TOP1: variants seen among roughly 807,000 people sequenced by gnomAD.
TOP1 encodes the protein DNA topoisomerase 1.
TOP1 carries 10 observed loss-of-function variants against 111.1 expected under a neutral mutation model. The ratio of observed to expected loss-of-function variants is 0.09; its 90% CI spans 0.06 to 0.15. The LOEUF (loss-of-function observed/expected upper bound fraction) is 0.15, where lower values mean the gene tolerates loss of function less well. Ranked by LOEUF, TOP1 falls within the 10% of genes least tolerant of loss-of-function variation. The pLI, the probability that TOP1 is intolerant of heterozygous loss-of-function variation, is 1.00. For synonymous variants in TOP1, 271 were observed against 302.9 expected (o/e 0.89, Z 1.10); for missense variants, 474 against 926.7 (o/e 0.51, Z 6.34).
chr20:41,034,942 C>G lies in TOP1; in HGVS notation c.58+5487C>G, dbSNP rs75709949. Among the ~76,000 whole-genome samples, 1 of 151,990 alleles carries G rather than the reference C, an allele frequency of 6.6e-6. No homozygotes were observed. Among genetic ancestry groups the G allele is most frequent in the South Asian group, 2.1e-4 (1 of 4,834 alleles). The stretch of plus-strand genomic sequence containing the variant: ...TTTCTGTTTGTTGCCCGGGCTGGAG[C>G]GCAGTAGTGTGATTGCAGCTCACTG... On this transcript the variant is annotated intron_variant, in intron 2 of 20. Coordinates refer to ENST00000361337, the MANE Select transcript of TOP1 (RefSeq NM_003286.4). This position sits in a 1 kb window ranked among gnomAD's most constrained non-coding sequence, Gnocchi z 4.0.
rs956405084 is a variant in TOP1 at position 41,106,348 on chromosome 20, C to T, written c.1308+4995C>T. 2.1e-4 allele frequency among the ~76,000 whole-genome samples: 32 copies of T among 152,144 alleles called. No homozygotes were observed. The highest frequency in any genetic ancestry group is 7.2e-4 in the African/African-American group (30 of 41,444). On this transcript the variant is annotated intron_variant, in intron 13 of 20. Transcript: ENST00000361337. The surrounding 1 kb of genome is among the most constrained non-coding windows in gnomAD (Gnocchi z 4.3). ...AAAATTGCTTTGGCTATTCTTGGCC[C>T]TCTGCTGTTTCATATTAACTTTCAG...
chr20:41,066,253 T>TA (rs147532568), intron 3 of TOP1, among the ~76,000 whole-genome samples: 96 of 143,526 alleles, frequency 6.7e-4, no homozygotes, highest in Admixed American at 1.5e-3. Flanking sequence ...AATCTTCTCT[T>TA]AAAAAAAAAA....
rs2033782999 is a variant in TOP1, at chr20:41,081,055, A to G, written c.432-110A>G. On this transcript the variant is annotated intron_variant, in intron 6 of 20. Transcript: ENST00000361337. ...GACCGTAGAATGCCCAGCCAAGAAT[A>G]ACAGTGATTACTCTTGCCATGGAGG... The G allele has an allele frequency of 4.4e-6, 4 of 917,206 alleles. No homozygotes were observed. In the East Asian group the frequency reaches 1.1e-4, roughly 25 times the overall value. 56.8% of individuals were successfully genotyped at this position (917,206 alleles called of 1,614,324 possible). A position where few individuals can be genotyped will look rare whatever the true frequency, so the allele number is the denominator to read the frequency against.
chr20:41,123,329 G>C lies in TOP1; in HGVS notation c.*32G>C. On this transcript the variant is annotated 3_prime_UTR_variant, in exon 21 of 21. Transcript: ENST00000361337. The surrounding 1 kb of genome is among the most constrained non-coding windows in gnomAD (Gnocchi z 5.8). Reference sequence around the variant, plus strand: ...TCAAGAGGCAGAGTTCTGTGAAGAGGAACAGTGTGGTTTGGGAAAGATGGA... The same window carrying C: ...TCAAGAGGCAGAGTTCTGTGAAGAGCAACAGTGTGGTTTGGGAAAGATGGA... 1.3e-6 allele frequency: 2 copies of C among 1,517,994 alleles called. No homozygotes were observed. The highest frequency in any genetic ancestry group is 1.7e-5 in the Admixed American group (1 of 59,606). The allele number at this position is 1,517,994 out of a possible 1,614,324, so 94.0% of individuals were successfully genotyped here.
chr20:41,031,115 A>T (rs2033114140), intron 2 of TOP1, among the ~76,000 whole-genome samples: 1 of 152,152 alleles, frequency 6.6e-6, no homozygotes, highest in Non-Finnish European at 1.5e-5. Context: ...GTTGTGGAAG[A>T]CTGGGCGCAG....
chr20:41,120,217 G>C (rs142900974), intron 18 of TOP1, among the ~76,000 whole-genome samples: 1 of 152,250 alleles, frequency 6.6e-6, no homozygotes, highest in Non-Finnish European at 1.5e-5. Context: ...CTGGCTAGTG[G>C]TGTCTGTGAT....
chr20:41,122,097 C>A lies in TOP1; in HGVS notation c.2137C>A (p.Gln713Lys). 1 of 1,614,140 alleles carries A rather than the reference C, an allele frequency of 6.2e-7. No homozygotes were observed. Among genetic ancestry groups the A allele is most frequent in the Non-Finnish European group, 8.5e-7 (1 of 1,180,022 alleles). ...VQATDREENKQIALGTSKLNY... is the reference protein window; with the variant it reads ...VQATDREENKKIALGTSKLNY... ...AGCCACAGACCGAGAGGAAAATAAA[C>A]AGATTGCCCTGGGAACCTCCAAACT... Residue 713 changes from glutamine (Q) to lysine (K), a missense_variant, in exon 20 of 21, where the codon CAG (glutamine) becomes AAG (lysine). Gln to Lys is a moderately conservative substitution (Grantham distance 53). This residue lies in a region of TOP1 where 26 missense variants were observed against 81.8 expected (regional missense o/e 0.32). Transcript: ENST00000361337. This position sits in a 1 kb window ranked among gnomAD's most constrained non-coding sequence, Gnocchi z 5.4.
chr20:41,087,421 A>T (rs535975808), intron 8 of TOP1, among the ~76,000 whole-genome samples: 4 of 152,358 alleles, frequency 2.6e-5, no homozygotes, highest in Admixed American at 1.3e-4. Context: ...TCAACAGATG[A>T]TTCTTCATAA....
Position 41,114,503 on chromosome 20 carries a change from T to C in TOP1, c.1638+348T>C, listed in dbSNP as rs2034297811. On this transcript the variant is annotated intron_variant, in intron 15 of 20. Transcript: ENST00000361337. This position sits in a 1 kb window ranked among gnomAD's most constrained non-coding sequence, Gnocchi z 4.5. ...TGATATCTTGTGTACCTCCTTTTAG[T>C]CACTGTTCCGCCCTGTGCTACCTTC... Among the ~76,000 whole-genome samples the C allele has an allele frequency of 1.3e-5, 2 of 152,266 alleles. No individual in the cohort carries two copies. The highest frequency in any genetic ancestry group is 4.1e-4 in the South Asian group (2 of 4,838).
In TOP1 at chr20:41,078,545, A is replaced by G. The variant is rs1341020497; in HGVS notation, c.335+908A>G. On this transcript the variant is annotated intron_variant, in intron 5 of 20. Transcript: ENST00000361337. The surrounding 1 kb of genome is among the most constrained non-coding windows in gnomAD (Gnocchi z 5.3). Reference sequence around the variant, plus strand: ...CAGGTGCCCTCTTCAGGCATGTTTCATAATTGTTCTAGGAATGCAGAATAA... The same window carrying G: ...CAGGTGCCCTCTTCAGGCATGTTTCGTAATTGTTCTAGGAATGCAGAATAA... 6.6e-6 allele frequency among the ~76,000 whole-genome samples: 1 copy of G among 152,194 alleles called. No individual in the cohort carries two copies. Among genetic ancestry groups the G allele is most frequent in the African/African-American group, 2.4e-5 (1 of 41,454 alleles).
chr20:41,057,120 G>A (rs1333330817), intron 2 of TOP1, among the ~76,000 whole-genome samples: 1 of 152,042 alleles, frequency 6.6e-6, no homozygotes, highest in Non-Finnish European at 1.5e-5. Context: ...CAAAAAATTA[G>A]CCGGGCATGG....
chr20:41,101,262 A>G lies in TOP1; in HGVS notation c.1217A>G (p.His406Arg). 1 of 1,614,176 alleles carries G rather than the reference A, an allele frequency of 6.2e-7. No individual in the cohort carries two copies. Among genetic ancestry groups the G allele is most frequent in the Non-Finnish European group, 8.5e-7 (1 of 1,179,998 alleles). Reference sequence around the variant, plus strand: ...GGACATAAGTGGAAAGAAGTCCGGCATGATAACAAGGTTACTTGGCTGGTT... The same window carrying G: ...GGACATAAGTGGAAAGAAGTCCGGCGTGATAACAAGGTTACTTGGCTGGTT... ...PPGHKWKEVR[H>R]DNKVTWLVSW... The change falls in exon 13 of 21, where the codon CAT (histidine) becomes CGT (arginine). Residue 406 changes from histidine (H) to arginine (R), a missense_variant. This residue lies in a region of TOP1 where 7 missense variants were observed against 57.3 expected (regional missense o/e 0.12). Transcript: ENST00000361337. The surrounding 1 kb of genome is among the most constrained non-coding windows in gnomAD (Gnocchi z 4.1).
intron 17 of TOP1, among the ~76,000 whole-genome samples, chr20:41,117,154 C>A (rs1191809413): frequency 6.6e-6 from 1 of 151,986 alleles, no homozygotes; most frequent in African/African-American, 2.4e-5. Context: ...GAGTTCCAGA[C>A]CAGCCTGGGC....
At chr20:41,087,265 GT>G (rs768933781) in intron 8 of TOP1, among the ~76,000 whole-genome samples, 9 of 152,152 alleles carry the variant, frequency 5.9e-5, no homozygotes, top group Non-Finnish European at 1.0e-4. Flanking sequence ...GTGTGCTTGG[GT>G]TCATACATGA....
intron 2 of TOP1, among the ~76,000 whole-genome samples, chr20:41,037,532 G>A (rs1036201745): frequency 8.5e-5 from 13 of 152,072 alleles, no homozygotes; most frequent in South Asian, 2.1e-4. Flanking sequence ...TAATTCTTGG[G>A]AATAAGAATA....
chr20:41,111,838 T>C (rs1247207675), intron 13 of TOP1, among the ~76,000 whole-genome samples: 1 of 152,146 alleles, frequency 6.6e-6, no homozygotes, highest in Non-Finnish European at 1.5e-5. Context: ...TTTTATGCTG[T>C]TTTATGTAAT....
chr20:41,058,326 C>G lies in TOP1; in HGVS notation c.59-3068C>G, dbSNP rs1261058153. Among the ~76,000 whole-genome samples, 2 of 152,334 alleles carry G rather than the reference C, an allele frequency of 1.3e-5. No homozygotes were observed. Among genetic ancestry groups the G allele is most frequent in the Non-Finnish European group, 2.9e-5 (2 of 68,026 alleles). On this transcript the variant is annotated intron_variant, in intron 2 of 20. Transcript: ENST00000361337. This position sits in a 1 kb window ranked among gnomAD's most constrained non-coding sequence, Gnocchi z 4.2. ...TTAAAACAACAGACACTTATTTTCT[C>G]ATGTAGTTCCTGTGAGTCAGGAATC...
intron 4 of TOP1, among the ~76,000 whole-genome samples, chr20:41,077,029 G>T (rs934339115): frequency 3.9e-5 from 6 of 152,268 alleles, no homozygotes; most frequent in Admixed American, 6.5e-5. Flanking sequence ...AGGGGAGGGG[G>T]TCATGAGTAT....
intron 8 of TOP1, among the ~76,000 whole-genome samples, chr20:41,087,923 TTTTG>T (rs542121371): frequency 3.2e-4 from 49 of 152,256 alleles, no homozygotes; most frequent in Non-Finnish European, 5.9e-4. Context: ...AAGTACATGT[TTTTG>T]TTTGTTTATT....
Sources: gnomAD v4.1 joint callset for allele counts (sites outside exome capture counted in the v4.1 genomes callset) on GRCh38, gnomAD v4.1.1 for gene constraint, gnomAD v4.1.1 regional missense constraint, Gnocchi (gnomAD v3.1) non-coding constraint, MANE v1.5 for transcripts, NCBI Gene and HGNC (gene_info 2026-07-23, HGNC 2026-07-21) for gene names.